TMOD1: variants seen among roughly 807,000 people sequenced by gnomAD.
TMOD1 encodes tropomodulin 1, also known as tropomodulin-1.
Under a neutral mutation model 40.6 loss-of-function variants are expected in TMOD1, and 17 were observed. That is an observed-to-expected ratio of 0.42 (90% CI 0.29 to 0.63). The LOEUF (loss-of-function observed/expected upper bound fraction) is 0.63, where lower values mean the gene tolerates loss of function less well. Among genes scored for constraint, TMOD1 ranks in the 20% least tolerant of loss-of-function variants. The pLI is 0.22. For missense variants in TMOD1, 391 were observed against 447.6 expected, an observed-to-expected ratio of 0.87 and a Z score of 1.14; for synonymous variants, 181 against 175.0, an observed-to-expected ratio of 1.03 and a Z score of -0.27.
intron 8 of TMOD1, among the ~76,000 whole-genome samples, chr9:97,575,598 C>T (rs1830921918): frequency 6.6e-6 from 1 of 152,180 alleles, no homozygotes; most frequent in Non-Finnish European, 1.5e-5. Flanking sequence ...TAACCTAATT[C>T]CCAGGCCTCC....
chr9:97,597,724 C>T (rs1239477092), intron 9 of TMOD1, among the ~76,000 whole-genome samples: 2 of 123,774 alleles, frequency 1.6e-5, no homozygotes, highest in African/African-American at 3.0e-5. Context: ...ATAGGCAAGC[C>T]AGTGCCAGGG....
chr9:97,524,220 G>A lies in TMOD1; in HGVS notation c.32G>A (p.Arg11His), dbSNP rs776224790. The stretch of plus-strand genomic sequence containing the variant: ...TACAGACGAGAACTAGAGAAATACC[G>A]TGACCTGGATGAAGATGAAATCCTT... MSYRRELEKY[R>H]DLDEDEILGA... The change falls in exon 2 of 10, where the codon CGT (arginine) becomes CAT (histidine). Residue 11 changes from arginine to histidine, a missense_variant. Arg to His is a conservative substitution (Grantham distance 29, BLOSUM62 0). Transcript: ENST00000259365. The A allele has an allele frequency of 3.1e-6, 5 of 1,614,100 alleles. No homozygotes were observed. The highest frequency in any genetic ancestry group is 1.7e-5 in the Admixed American group (1 of 60,014).
At chr9:97,581,179 G>A (rs60822454) in intron 8 of TMOD1, among the ~76,000 whole-genome samples, 2,714 of 119,106 alleles carry the variant, frequency 0.023, 103 homozygotes, top group East Asian at 0.13. Flanking sequence ...AGAGTGTGAT[G>A]TTCCCCTTCC....
chr9:97,599,318 G>A (rs1322035677), intron 9 of TMOD1, among the ~76,000 whole-genome samples: 2 of 152,124 alleles, frequency 1.3e-5, no homozygotes, highest in African/African-American at 2.4e-5. Context: ...ACTCTTATCT[G>A]AACACCGGAG....
At chr9:97,517,017 C>T (rs1326391533) in intron 1 of TMOD1, among the ~76,000 whole-genome samples, 1 of 152,034 alleles carries the variant, frequency 6.6e-6, no homozygotes, top group African/African-American at 2.4e-5. Flanking sequence ...ATTTGAAAAG[C>T]AACTATAACA....
chr9:97,598,260 C>T (rs902134534), intron 9 of TMOD1, among the ~76,000 whole-genome samples: 6 of 131,982 alleles, frequency 4.5e-5, no homozygotes, highest in Non-Finnish European at 9.2e-5. Context: ...ACCTGGGAGG[C>T]GAGGTTGCAG....
At chr9:97,525,880 A>G (rs1830007683) in intron 2 of TMOD1, among the ~76,000 whole-genome samples, 1 of 152,240 alleles carries the variant, frequency 6.6e-6, no homozygotes, top group South Asian at 2.1e-4. Context: ...GTCCTTTGAA[A>G]CTAAGACTTC....
intron 3 of TMOD1, among the ~76,000 whole-genome samples, chr9:97,549,278 G>A (rs1167928230): frequency 6.6e-6 from 1 of 152,058 alleles, no homozygotes; most frequent in Non-Finnish European, 1.5e-5. Context: ...TTTTCATTCT[G>A]CCACCCCTAC....
chr9:97,532,134 C>A (rs1830111451), intron 2 of TMOD1, among the ~76,000 whole-genome samples: 1 of 152,164 alleles, frequency 6.6e-6, no homozygotes. Context: ...AATCGCAAGC[C>A]CAGGACAGAA....
Position 97,506,415 on chromosome 9 carries a change from C to CGAAT in TMOD1, c.-49+4626_-49+4629dup, listed in dbSNP as rs1005988708. Among the ~76,000 whole-genome samples the CGAAT allele has an allele frequency of 3.9e-5, 6 of 152,086 alleles. No individual in the cohort carries two copies. The East Asian group carries it at 7.7e-4, about 20-fold the overall frequency. On this transcript the variant is annotated intron_variant, in intron 1 of 9. Coordinates refer to ENST00000259365, the MANE Select transcript of TMOD1 (RefSeq NM_003275.4). Reference sequence around the variant, plus strand: ...CAGGTTTTAATAAATGGCTGACCACCGAATGAATGAATGAATGCATGAAAT... The same window carrying CGAAT: ...CAGGTTTTAATAAATGGCTGACCACCGAATGAATGAATGAATGAATGCATGAAAT...
At chr9:97,531,149 A>G (rs1428240449) in intron 2 of TMOD1, among the ~76,000 whole-genome samples, 1 of 147,748 alleles carries the variant, frequency 6.8e-6, no homozygotes, top group African/African-American at 2.5e-5. Context: ...TAAGCATTTT[A>G]TGGGCATCAT....
chr9:97,574,329 G>T (rs1186927691), intron 8 of TMOD1, among the ~76,000 whole-genome samples: 1 of 152,060 alleles, frequency 6.6e-6, no homozygotes, highest in Non-Finnish European at 1.5e-5. Flanking sequence ...GGCCGACCCC[G>T]CCGGCTCCGG....
chr9:97,537,329 C>T (rs142527119), intron 2 of TMOD1, among the ~76,000 whole-genome samples: 167 of 152,260 alleles, frequency 1.1e-3, no homozygotes, highest in Middle Eastern at 6.8e-3. Context: ...CCTGTGTGTG[C>T]GGGTATATGT....
At chr9:97,516,845 G>A (rs1829818364) in intron 1 of TMOD1, 1 of 152,206 alleles carries the variant, frequency 6.6e-6, no homozygotes, top group African/African-American at 2.4e-5. Flanking sequence ...AGGGGAGTTA[G>A]TGTTTAATAG....
At chr9:97,542,409 A>G (rs1022500840) in intron 2 of TMOD1, among the ~76,000 whole-genome samples, 4 of 152,252 alleles carry the variant, frequency 2.6e-5, no homozygotes, top group Non-Finnish European at 4.4e-5. Flanking sequence ...TGCTTTCAAT[A>G]AAGACTTGAA....
intron 1 of TMOD1, among the ~76,000 whole-genome samples, chr9:97,523,229 A>G (rs1829945329): frequency 6.6e-6 from 1 of 152,236 alleles, no homozygotes; most frequent in African/African-American, 2.4e-5. Flanking sequence ...CCAAACACAC[A>G]GGGTCCAAAT....
intron 4 of TMOD1, chr9:97,555,399 G>A (rs1830520484): frequency 7.4e-7 from 1 of 1,352,164 alleles, no homozygotes; most frequent in South Asian, 1.6e-5. Context: ...GCAGCTCAAA[G>A]GGATTATCAA....
At chr9:97,588,847 G>A (rs1192872974) in intron 8 of TMOD1, among the ~76,000 whole-genome samples, 6 of 151,936 alleles carry the variant, frequency 3.9e-5, no homozygotes, top group Non-Finnish European at 7.4e-5. Flanking sequence ...TTGGCCAAGC[G>A]CAGTGGCTCA....
Position 97,562,750 on chromosome 9 carries a change from C to T in TMOD1, c.416C>T (p.Thr139Met), listed in dbSNP as rs372190944. ...CCTGCAGCGATCCTGGGCATGCACA[C>T]GCTCATGAGTAACCAGCAGTACTAC... ...CDIAAILGMH[T>M]LMSNQQYYQA... Residue 139 changes from threonine to methionine, a missense_variant, in exon 5 of 10, where the codon ACG (threonine) becomes ATG (methionine). Transcript: ENST00000259365. 7 of 1,567,242 alleles carry T rather than the reference C, an allele frequency of 4.5e-6. No individual in the cohort carries two copies. Among genetic ancestry groups the T allele is most frequent in the South Asian group, 2.4e-5 (2 of 83,424 alleles).
Sources: allele counts gnomAD v4.1 joint callset (sites outside exome capture counted in the v4.1 genomes callset), GRCh38; gene constraint gnomAD v4.1.1; transcripts MANE v1.5; gene names NCBI Gene and HGNC (gene_info 2026-07-23, HGNC 2026-07-21).